The following TSPAN12 variants were observed in gnomAD, a reference collection of about 807,000 sequenced individuals.
TSPAN12 encodes tetraspanin-12.
Under a neutral mutation model 39.2 loss-of-function variants are expected in TSPAN12, and 19 were observed. The ratio of observed to expected loss-of-function variants is 0.49; its 90% CI spans 0.34 to 0.71. TSPAN12 has a LOEUF of 0.71. Among genes scored for constraint, TSPAN12 ranks in the 30% least tolerant of loss-of-function variants. TSPAN12 has a pLI of 0.01. For synonymous variants in TSPAN12, 119 were observed against 124.8 expected (o/e 0.95, Z 0.31); for missense variants, 314 against 359.9 (o/e 0.87, Z 1.03).
chr7:120,820,054 C>T (rs1246032772), intron 4 of TSPAN12, among the ~76,000 whole-genome samples: 1 of 152,098 alleles, frequency 6.6e-6, no homozygotes, highest in Non-Finnish European at 1.5e-5. Context: ...ATGTATCTCC[C>T]CTGATGGTGG....
chr7:120,852,711 T>G (rs904412536), intron 2 of TSPAN12, among the ~76,000 whole-genome samples: 1 of 152,196 alleles, frequency 6.6e-6, no homozygotes, highest in East Asian at 1.9e-4. Context: ...TTGACTTCTC[T>G]CATGCAAATA....
chr7:120,798,945 C>T (rs1317444009), intron 7 of TSPAN12, among the ~76,000 whole-genome samples: 1 of 152,156 alleles, frequency 6.6e-6, no homozygotes, highest in African/African-American at 2.4e-5. Flanking sequence ...ATCATAAAGA[C>T]AATAGCAATT....
At chr7:120,815,922 C>A in intron 4 of TSPAN12, 119 bp from the exon 5 acceptor site, 1 of 827,544 alleles carries the variant, frequency 1.2e-6, no homozygotes, top group Admixed American at 2.1e-5. Context: ...TTTCATGAAG[C>A]CCCTCAGAAG....
chr7:120,802,250 G>C (rs1475547751), intron 7 of TSPAN12, among the ~76,000 whole-genome samples: 2 of 152,222 alleles, frequency 1.3e-5, no homozygotes, highest in Non-Finnish European at 2.9e-5. Context: ...AAGAACAGGG[G>C]AGTGGGCTGT....
chr7:120,826,902 T>C (rs1256120963), intron 4 of TSPAN12, among the ~76,000 whole-genome samples: 1 of 152,130 alleles, frequency 6.6e-6, no homozygotes, highest in African/African-American at 2.4e-5. Context: ...TTTGTATTTT[T>C]AGTAGAGATG....
intron 7 of TSPAN12, among the ~76,000 whole-genome samples, chr7:120,801,971 T>C (rs1793780351): frequency 6.6e-6 from 1 of 152,214 alleles, no homozygotes; most frequent in Admixed American, 6.5e-5. Flanking sequence ...AGAAGAGCCC[T>C]GGTCCATGGG....
chr7:120,820,655 C>T (rs1251729888), intron 4 of TSPAN12, among the ~76,000 whole-genome samples: 2 of 152,126 alleles, frequency 1.3e-5, no homozygotes, highest in African/African-American at 2.4e-5. Flanking sequence ...ACAGTGCTCC[C>T]TCCACTGCTA....
At chr7:120,789,567 T>TTG (rs1435734744) in intron 7 of TSPAN12, among the ~76,000 whole-genome samples, 4 of 152,128 alleles carry the variant, frequency 2.6e-5, no homozygotes, top group Non-Finnish European at 5.9e-5. Flanking sequence ...TTACAAAGAG[T>TTG]TCCACTCAAG....
At chr7:120,810,692 A>G (rs1562941900) in intron 5 of TSPAN12, 122 bp from the exon 6 acceptor site, 6 of 692,328 alleles carry the variant, frequency 8.7e-6, no homozygotes, top group Non-Finnish European at 1.3e-5. Context: ...CTAATTGACA[A>G]ATACTATTTT....
intron 7 of TSPAN12, among the ~76,000 whole-genome samples, chr7:120,790,045 G>A (rs779102579): frequency 3.7e-4 from 57 of 152,028 alleles, no homozygotes; most frequent in Admixed American, 7.2e-4. Flanking sequence ...ATCAGACTCC[G>A]CCTCCTCAAG....
At chr7:120,816,171 C>G in intron 4 of TSPAN12, among the ~76,000 whole-genome samples, 1 of 152,130 alleles carries the variant, frequency 6.6e-6, no homozygotes, top group Non-Finnish European at 1.5e-5. Flanking sequence ...GTTCAATGCT[C>G]TGCACCATGA....
intron 4 of TSPAN12, among the ~76,000 whole-genome samples, chr7:120,836,132 T>C (rs1257046926): frequency 1.3e-5 from 2 of 152,152 alleles, no homozygotes; most frequent in African/African-American, 4.8e-5. Context: ...CCCATGACTG[T>C]AGAATCTGAA....
chr7:120,814,340 A>AATG, intron 5 of TSPAN12: 3 of 450,158 alleles, frequency 6.7e-6, no homozygotes, highest in South Asian at 4.7e-5. Flanking sequence ...CACAGATGCA[A>AATG]ATGCCCAGTC....
At chr7:120,791,966 C>G (rs947428128) in intron 7 of TSPAN12, among the ~76,000 whole-genome samples, 1 of 152,130 alleles carries the variant, frequency 6.6e-6, no homozygotes, top group Non-Finnish European at 1.5e-5. Context: ...CTCATATAAT[C>G]AATGAAAACA....
At chr7:120,848,336 C>T (rs1335030028) in intron 2 of TSPAN12, among the ~76,000 whole-genome samples, 1 of 152,120 alleles carries the variant, frequency 6.6e-6, no homozygotes, top group Non-Finnish European at 1.5e-5. Context: ...GGCCTATCTC[C>T]CCATCACACA....
At chr7:120,816,016 G>A (rs535381560) in intron 4 of TSPAN12, among the ~76,000 whole-genome samples, 8 of 152,158 alleles carry the variant, frequency 5.3e-5, no homozygotes, top group East Asian at 3.9e-4. Flanking sequence ...TTTATTAGCC[G>A]TCTCCTGAGA....
intron 7 of TSPAN12, among the ~76,000 whole-genome samples, chr7:120,789,432 T>A (rs1793477552): frequency 6.6e-6 from 1 of 152,230 alleles, no homozygotes; most frequent in Non-Finnish European, 1.5e-5. Flanking sequence ...GTAAAGTCGC[T>A]TCTCTGGCCG....
At chr7:120,789,959 G>A (rs182128105) in intron 7 of TSPAN12, among the ~76,000 whole-genome samples, 2 of 152,196 alleles carry the variant, frequency 1.3e-5, no homozygotes, top group East Asian at 1.9e-4. Flanking sequence ...AAAAGATTAG[G>A]GTGGGGGGTG....
chr7:120,827,447 T>A (rs1317707680), intron 4 of TSPAN12, among the ~76,000 whole-genome samples: 1 of 152,212 alleles, frequency 6.6e-6, no homozygotes, highest in African/African-American at 2.4e-5. Context: ...ACATAATTAT[T>A]TGTGAATGTT....
Sources: allele counts gnomAD v4.1 joint callset (sites outside exome capture counted in the v4.1 genomes callset), GRCh38; gene constraint gnomAD v4.1.1; transcripts MANE v1.5; gene names NCBI Gene and HGNC (gene_info 2026-07-23, HGNC 2026-07-21).